Variants in MRRF observed in about 807,000 individuals in gnomAD.
MRRF encodes ribosome-recycling factor, mitochondrial.
A neutral mutation model predicts 25.1 loss-of-function variants in MRRF; 18 were observed. The ratio of observed to expected loss-of-function variants is 0.72; its 90% CI spans 0.50 to 1.06. The LOEUF (loss-of-function observed/expected upper bound fraction) is 1.06. Ranked by LOEUF, MRRF falls within the 50% of genes least tolerant of loss-of-function variation. The pLI is 0.00. For missense variants in MRRF, 323 were observed against 319.3 expected (o/e 1.01, Z -0.09); for synonymous variants, 113 against 112.1 (o/e 1.01, Z -0.05).
intron 6 of MRRF, among the ~76,000 whole-genome samples, chr9:122,318,461 G>A (rs1395819789): frequency 3.9e-5 from 6 of 152,238 alleles, no homozygotes; most frequent in Non-Finnish European, 8.8e-5. Context: ...AGCAAAGCTG[G>A]GTGCTAGCAG....
At chr9:122,315,088 G>C (rs564465519) in intron 6 of MRRF, among the ~76,000 whole-genome samples, 2 of 152,050 alleles carry the variant, frequency 1.3e-5, no homozygotes, top group Non-Finnish European at 2.9e-5. Context: ...AGTCACCTGG[G>C]GGGGGGAATT....
intron 1 of MRRF, chr9:122,265,797 C>A (rs1564463886): frequency 3.1e-6 from 4 of 1,278,074 alleles, no homozygotes; most frequent in Non-Finnish European, 3.1e-6. Context: ...ATACTGGAAT[C>A]CAGATCTCTT....
At chr9:122,293,717 G>C (rs375217912) in intron 5 of MRRF, among the ~76,000 whole-genome samples, 1 of 152,212 alleles carries the variant, frequency 6.6e-6, no homozygotes, top group African/African-American at 2.4e-5. Context: ...TGAATGTTCT[G>C]AGAATGCGTA....
chr9:122,281,277 T>C (rs1833079415), intron 3 of MRRF, among the ~76,000 whole-genome samples: 1 of 152,232 alleles, frequency 6.6e-6, no homozygotes, highest in Admixed American at 6.5e-5. Context: ...AAAAATCCAG[T>C]TGCTGTTAAA....
chr9:122,271,827 GT>G (rs1411087327), intron 2 of MRRF, among the ~76,000 whole-genome samples: 1 of 152,204 alleles, frequency 6.6e-6, no homozygotes, highest in Non-Finnish European at 1.5e-5. Context: ...AAAATTGTCA[GT>G]CACACCAGCA....
intron 5 of MRRF, among the ~76,000 whole-genome samples, chr9:122,292,378 A>T (rs77199688): frequency 4.6e-5 from 7 of 151,948 alleles, no homozygotes; most frequent in African/African-American, 1.5e-4. Context: ...TTGAAGAGCT[A>T]TTTTTTTTAC....
In MRRF at chr9:122,270,941, A is replaced by G. The variant is rs1475217669; in HGVS notation, c.50A>G (p.Asn17Ser). ...CGCATGGTCCACCCTACCTTTCGCAATTATCTTGCAGCCTCTATCAGACCC... is the reference window on the plus strand; with the variant it reads ...CGCATGGTCCACCCTACCTTTCGCAGTTATCTTGCAGCCTCTATCAGACCC... ...CFRMVHPTFR[N>S]YLAASIRPVS... The change falls in exon 2 of 7, where the codon AAT (asparagine) becomes AGT (serine). Residue 17 changes from asparagine to serine, a missense_variant. By Grantham distance (46) the Asn-to-Ser change is conservative (BLOSUM62 1). Coordinates refer to ENST00000344641, the MANE Select transcript of MRRF (RefSeq NM_138777.5). The G allele has an allele frequency of 5.0e-6, 8 of 1,614,158 alleles. No individual in the cohort carries two copies. Among genetic ancestry groups the G allele is most frequent in the East Asian group, 2.2e-5 (1 of 44,878 alleles).
intron 4 of MRRF, chr9:122,286,163 T>C (rs1396204290): frequency 4.7e-6 from 6 of 1,285,542 alleles, no homozygotes; most frequent in Non-Finnish European, 6.1e-6. Flanking sequence ...TCTGCTAATA[T>C]AAGGTGAAGG....
At chr9:122,299,794 G>A (rs1834328877) in intron 5 of MRRF, among the ~76,000 whole-genome samples, 1 of 151,876 alleles carries the variant, frequency 6.6e-6, no homozygotes, top group Non-Finnish European at 1.5e-5. Context: ...GAGTGATGGG[G>A]TCAAAGAAGG....
At chr9:122,321,136 G>T (rs1300792221) in intron 6 of MRRF, among the ~76,000 whole-genome samples, 1 of 152,180 alleles carries the variant, frequency 6.6e-6, no homozygotes, top group Non-Finnish European at 1.5e-5. Flanking sequence ...CTTCCCATCA[G>T]TAAAATATAA....
At chr9:122,280,059 A>G (rs1398859744) in intron 2 of MRRF, among the ~76,000 whole-genome samples, 2 of 152,162 alleles carry the variant, frequency 1.3e-5, no homozygotes, top group Non-Finnish European at 2.9e-5. Context: ...TGCCATGTGT[A>G]TAGTGTTCTT....
In MRRF at chr9:122,285,231, C is replaced by G. The variant is rs753685882; in HGVS notation, c.403C>G (p.Gln135Glu). The change falls in exon 4 of 7, where the codon CAG (glutamine) becomes GAG (glutamate). Residue 135 changes from glutamine to glutamate, a missense_variant. Gln to Glu is a conservative substitution (Grantham distance 29). Transcript: ENST00000344641. ...GAAGCTTGCTTTAAACCAGATTAGC[C>G]AGATCTCCATGAAGTCGCCACAGCT... ...DGKLALNQIS[Q>E]ISMKSPQLIL... The G allele has an allele frequency of 6.2e-7, 1 of 1,614,038 alleles. No individual in the cohort carries two copies. The highest frequency in any genetic ancestry group is 8.5e-7 in the Non-Finnish European group (1 of 1,179,928).
intron 4 of MRRF, among the ~76,000 whole-genome samples, chr9:122,288,187 G>C (rs931871119): frequency 6.6e-6 from 1 of 151,378 alleles, no homozygotes; most frequent in Non-Finnish European, 1.5e-5. Context: ...TGATGGGAAA[G>C]AAAAGAAGGG....
intron 4 of MRRF, among the ~76,000 whole-genome samples, chr9:122,290,160 G>A (rs1327823791): frequency 6.6e-6 from 1 of 152,172 alleles, no homozygotes; most frequent in Non-Finnish European, 1.5e-5. Flanking sequence ...AGGTAGAGCA[G>A]CATCATTGGA....
chr9:122,316,159 C>A lies in MRRF; in HGVS notation c.711+2773C>A, dbSNP rs369483874. Among the ~76,000 whole-genome samples the A allele has an allele frequency of 6.6e-5, 10 of 152,156 alleles. 1 individual carries two copies. The highest frequency in any genetic ancestry group is 1.9e-4 in the African/African-American group (8 of 41,522). On this transcript the variant is annotated intron_variant, in intron 6 of 6. Coordinates refer to ENST00000344641, the MANE Select transcript of MRRF (RefSeq NM_138777.5). ...ATATGATACGATATATCACAGATAT[C>A]TTTCTAAACATATTATTATTTAAAT... is the stretch of plus-strand genomic sequence containing the variant.
intron 3 of MRRF, among the ~76,000 whole-genome samples, chr9:122,281,697 C>G (rs1833101250): frequency 2.6e-5 from 4 of 152,296 alleles, no homozygotes; most frequent in African/African-American, 9.6e-5. Flanking sequence ...GCAGCCGAAA[C>G]CAGAGAGCAG....
At chr9:122,269,561 C>G (rs1193822385) in intron 1 of MRRF, among the ~76,000 whole-genome samples, 1 of 151,966 alleles carries the variant, frequency 6.6e-6, no homozygotes, top group Non-Finnish European at 1.5e-5. Context: ...CCTGTCTCTA[C>G]TAAAAATACA....
intron 5 of MRRF, among the ~76,000 whole-genome samples, chr9:122,309,104 T>G (rs557976126): frequency 6.6e-6 from 1 of 152,318 alleles, no homozygotes; most frequent in South Asian, 2.1e-4. Flanking sequence ...ATTTGGCAGC[T>G]CTTAAGAACT....
chr9:122,323,703 TC>T lies in MRRF; in HGVS notation c.*1087del, dbSNP rs1836018641. The T allele has an allele frequency of 6.6e-6, 1 of 152,256 alleles. No homozygotes were observed. Among genetic ancestry groups the T allele is most frequent in the African/African-American group, 2.4e-5 (1 of 41,468 alleles). 9.4% of individuals were successfully genotyped at this position (152,256 alleles called of 1,614,324 possible). ...ATAGCCATTATGAGTTAGGTATAGT[TC>T]TAGGCATTATTTATAATCTTGACAG... On this transcript the variant is annotated 3_prime_UTR_variant, in exon 7 of 7. Transcript: ENST00000344641.
Sources: allele counts gnomAD v4.1 joint callset (sites outside exome capture counted in the v4.1 genomes callset), GRCh38; gene constraint gnomAD v4.1.1; transcripts MANE v1.5; gene names NCBI Gene and HGNC (gene_info 2026-07-23, HGNC 2026-07-21).